SUMF1: variants seen among roughly 807,000 people sequenced by gnomAD.
The protein encoded by SUMF1 is sulfatase modifying factor 1.
A neutral mutation model predicts 47.6 loss-of-function variants in SUMF1; 48 were observed. The ratio of observed to expected loss-of-function variants is 1.01; its 90% CI spans 0.80 to 1.28. SUMF1 has a LOEUF of 1.28. Ranked by LOEUF, SUMF1 falls within the 50% of genes most tolerant of loss-of-function variation. SUMF1 has a pLI of 0.00. For missense variants in SUMF1, 571 were observed against 485.4 expected (o/e 1.18, Z -1.66); for synonymous variants, 230 against 192.1 (o/e 1.20, Z -1.63).
At chr3:4,353,378 G>GAGT (rs551473097) in intron 8 of SUMF1, among the ~76,000 whole-genome samples, 183 of 152,158 alleles carry the variant, frequency 1.2e-3, no homozygotes, top group African/African-American at 4.0e-3. Context: ...TCAGCCTCCC[G>GAGT]AGTAGCTGGG....
chr3:4,367,897 A>G (rs1002347697), intron 8 of SUMF1, among the ~76,000 whole-genome samples: 16 of 152,052 alleles, frequency 1.1e-4, no homozygotes, highest in African/African-American at 3.1e-4. Context: ...AAGAAAACCT[A>G]GGCATTACCA....
rs144958554 is a variant in SUMF1, at chr3:4,346,157, G to A, written c.1014+30173C>T. Among the ~76,000 whole-genome samples the A allele has an allele frequency of 3.6e-3, 551 of 152,212 alleles. 4 individuals are homozygous for A. The highest frequency in any genetic ancestry group is 6.7e-3 in the Non-Finnish European group (453 of 67,986). On this transcript the variant is annotated intron_variant and NMD_transcript_variant, in intron 8 of 12. Transcript: ENST00000448413. ...TAACAAGGATATTCAGGACTTGAAC[G>A]CAGCTCTGGATCAAGTGGATCTAGT... is the stretch of plus-strand genomic sequence containing the variant.
intron 2 of SUMF1, among the ~76,000 whole-genome samples, chr3:4,450,146 G>T (rs1487258743): frequency 6.6e-6 from 1 of 152,214 alleles, no homozygotes; most frequent in East Asian, 1.9e-4. Flanking sequence ...CAACACCAGA[G>T]ATTCTCATTC....
intron 8 of SUMF1, among the ~76,000 whole-genome samples, chr3:4,179,743 A>G (rs1385122287): frequency 6.6e-6 from 1 of 152,202 alleles, no homozygotes; most frequent in Admixed American, 6.5e-5. Context: ...AACTATCATC[A>G]GCGTGAACTG....
intron 8 of SUMF1, among the ~76,000 whole-genome samples, chr3:4,228,786 C>A (rs1343689647): frequency 6.6e-6 from 1 of 152,012 alleles, no homozygotes; most frequent in African/African-American, 2.4e-5. Context: ...TAAAAGTACC[C>A]AGTGGCAGCA....
At chr3:4,168,428 C>A (rs1222553594) in intron 8 of SUMF1, among the ~76,000 whole-genome samples, 1 of 152,170 alleles carries the variant, frequency 6.6e-6, no homozygotes, top group Non-Finnish European at 1.5e-5. Context: ...TCTGCCATCT[C>A]CAGCTCCAGC....
rs74283057 is a variant in SUMF1 at position 4,129,596 on chromosome 3, C to T, written c.1015-60851G>A. ...GTTCTCTTAAGGAAGGACACCACTACAATACTGAAAATTTATACAGTGAAT... is the reference window on the plus strand; with the variant it reads ...GTTCTCTTAAGGAAGGACACCACTATAATACTGAAAATTTATACAGTGAAT... On this transcript the variant is annotated intron_variant and NMD_transcript_variant, in intron 8 of 12. Transcript: ENST00000448413. 6.1e-3 allele frequency among the ~76,000 whole-genome samples: 930 copies of T among 152,240 alleles called. 32 individuals are homozygous for T. Among genetic ancestry groups the T allele is most frequent in the Admixed American group, 0.049 (744 of 15,290 alleles).
intron 4 of SUMF1, among the ~76,000 whole-genome samples, chr3:4,419,349 G>A (rs775060980): frequency 2.0e-5 from 3 of 152,040 alleles, no homozygotes; most frequent in Non-Finnish European, 2.9e-5. Context: ...TCCTATACTC[G>A]CAGCTCCCCG....
At chr3:4,405,225 G>T (rs1050847509) in intron 7 of SUMF1, among the ~76,000 whole-genome samples, 1 of 152,170 alleles carries the variant, frequency 6.6e-6, no homozygotes, top group African/African-American at 2.4e-5. Context: ...CTGCAAGCAT[G>T]AGTATACATG....
intron 8 of SUMF1, chr3:4,313,845 T>A: frequency 6.3e-7 from 1 of 1,581,962 alleles, no homozygotes; most frequent in Admixed American, 1.8e-5. Context: ...CCTAGTTACA[T>A]AAGTTTAACT....
intron 8 of SUMF1, among the ~76,000 whole-genome samples, chr3:4,189,114 A>G (rs1695262482): frequency 6.6e-6 from 1 of 152,138 alleles, no homozygotes; most frequent in African/African-American, 2.4e-5. Context: ...AGTTGCTTGT[A>G]CATCAAGTCC....
intron 9 of SUMF1, among the ~76,000 whole-genome samples, chr3:4,045,333 C>G (rs1694985349): frequency 6.6e-6 from 1 of 151,726 alleles, no homozygotes; most frequent in South Asian, 2.1e-4. Context: ...CCTAGCGGCC[C>G]CCAGTTGTGT....
At chr3:4,222,629 G>A (rs1052222048) in intron 8 of SUMF1, among the ~76,000 whole-genome samples, 1 of 151,992 alleles carries the variant, frequency 6.6e-6, no homozygotes, top group African/African-American at 2.4e-5. Flanking sequence ...CTGACACCAA[G>A]TGCACTTCCA....
chr3:4,210,310 AAC>A (rs745752175), intron 8 of SUMF1, among the ~76,000 whole-genome samples: 1 of 152,210 alleles, frequency 6.6e-6, no homozygotes. Context: ...TGTACATGAA[AAC>A]ACAGATGACC....
chr3:4,198,620 AAAG>A (rs1695479541), intron 8 of SUMF1, among the ~76,000 whole-genome samples: 1 of 152,114 alleles, frequency 6.6e-6, no homozygotes, highest in Non-Finnish European at 1.5e-5. Flanking sequence ...GGCCCGACAA[AAAG>A]AAGACATTTT....
At chr3:4,271,314 C>T (rs897715296) in intron 8 of SUMF1, among the ~76,000 whole-genome samples, 1 of 152,052 alleles carries the variant, frequency 6.6e-6, no homozygotes, top group Non-Finnish European at 1.5e-5. Context: ...GTTCTTGGGC[C>T]AACCACTCCA....
intron 8 of SUMF1, among the ~76,000 whole-genome samples, chr3:4,195,914 C>A (rs2587930): frequency 0.32 from 48,484 of 151,802 alleles, 7,854 homozygotes; most frequent in East Asian, 0.4. Context: ...GTCATCAACT[C>A]TGAATTGCAC....
chr3:4,203,760 G>T (rs1428609730), intron 8 of SUMF1, among the ~76,000 whole-genome samples: 1 of 150,614 alleles, frequency 6.6e-6, no homozygotes, highest in Non-Finnish European at 1.5e-5. Context: ...TCTGTTGTAG[G>T]TTTTTTTTAT....
intron 8 of SUMF1, among the ~76,000 whole-genome samples, chr3:4,274,125 A>C (rs577622265): frequency 3.4e-4 from 52 of 152,130 alleles, no homozygotes; most frequent in Non-Finnish European, 5.6e-4. Context: ...ACAAACAAAC[A>C]AACCACTCTA....
Sources: allele counts gnomAD v4.1 joint callset (sites outside exome capture counted in the v4.1 genomes callset), GRCh38; gene constraint gnomAD v4.1.1; transcripts MANE v1.5; gene names NCBI Gene and HGNC (gene_info 2026-07-23, HGNC 2026-07-21).